SCAMP4: variants seen among roughly 807,000 people sequenced by gnomAD.
SCAMP4 encodes secretory carrier membrane protein 4.
In SCAMP4, 19 loss-of-function variants were observed where a neutral mutation model predicts 32.1. The ratio of observed to expected loss-of-function variants is 0.59; its 90% confidence interval spans 0.41 to 0.87. The LOEUF is 0.87. Among genes scored for constraint, SCAMP4 ranks in the 40% least tolerant of loss-of-function variants. The pLI, the probability that SCAMP4 is intolerant of heterozygous loss-of-function variation, is 0.00. For synonymous variants in SCAMP4, 152 were observed against 132.7 expected (o/e 1.15, Z -1.00); for missense variants, 302 against 309.0 (o/e 0.98, Z 0.17).
At chr19:1,911,896 G>A in intron 1 of SCAMP4, 1 of 965,942 alleles carries the variant, frequency 1.0e-6, no homozygotes, top group Non-Finnish European at 1.4e-6. Flanking sequence ...CCAGGGGTTA[G>A]CAGGACATGA....
intron 1 of SCAMP4, 129 bp from the exon 2 acceptor site, chr19:1,914,850 C>T (rs2013675924): frequency 1.4e-6 from 1 of 736,960 alleles, no homozygotes; most frequent in Non-Finnish European, 2.4e-6. Flanking sequence ...GCCTGTGGCT[C>T]CCGCTTAGCC....
chr19:1,918,357 G>T, intron 4 of SCAMP4, 74 bp downstream of exon 4: 1 of 1,400,744 alleles, frequency 7.1e-7, no homozygotes, highest in South Asian at 1.4e-5. Context: ...TCCCAGCCCA[G>T]CTGTGAGGAG....
chr19:1,913,265 T>TAA, intron 1 of SCAMP4: 1 of 1,395,712 alleles, frequency 7.2e-7, no homozygotes, highest in Non-Finnish European at 9.5e-7. Flanking sequence ...CAGGGACACA[T>TAA]ACCGCCTCCA....
intron 4 of SCAMP4, 73 bp from the exon 5 acceptor site, chr19:1,918,816 G>A (rs1259815659): frequency 1.3e-6 from 2 of 1,548,236 alleles, no homozygotes; most frequent in Admixed American, 2.0e-5. Context: ...TCTCTGACTG[G>A]CCCGTTCCTC....
At chr19:1,917,947 G>A in intron 3 of SCAMP4, 125 bp downstream of exon 3, 7 of 1,392,518 alleles carry the variant, frequency 5.0e-6, no homozygotes, top group Non-Finnish European at 6.9e-6. Flanking sequence ...TGGGCCTGGT[G>A]GTCCCTGCGG....
chr19:1,918,688 G>C, intron 4 of SCAMP4: 1 of 772,050 alleles, frequency 1.3e-6, no homozygotes, highest in Non-Finnish European at 2.0e-6. Flanking sequence ...CTTGAACCCG[G>C]GAGGCAGAGG....
chr19:1,906,692 TA>T (rs928113130), intron 1 of SCAMP4: 6 of 150,442 alleles, frequency 4.0e-5, no homozygotes, highest in Non-Finnish European at 8.9e-5. Context: ...CTACTAAAAA[TA>T]AAAAAAAGCC....
intron 1 of SCAMP4, 192 bp downstream of exon 1, chr19:1,905,631 C>T: frequency 6.2e-6 from 1 of 160,804 alleles, no homozygotes; most frequent in Non-Finnish European, 1.4e-5. Flanking sequence ...CGCGAATGCG[C>T]GTGCGCGCGC....
At chr19:1,922,180 G>T in intron 5 of SCAMP4, 1 of 985,488 alleles carries the variant, frequency 1.0e-6, no homozygotes, top group Non-Finnish European at 1.2e-6. Context: ...GCAATGCCCA[G>T]AGGCTGGTCC....
At chr19:1,912,308 C>T (rs748075181) in intron 1 of SCAMP4, 6 of 1,559,846 alleles carry the variant, frequency 3.8e-6, no homozygotes, top group African/African-American at 1.4e-5. Context: ...CGCTCCCCGC[C>T]CAGCCTCACC....
At chr19:1,921,976 A>G in intron 5 of SCAMP4, 1 of 985,448 alleles carries the variant, frequency 1.0e-6, no homozygotes, top group Non-Finnish European at 1.2e-6. Flanking sequence ...GTGTGTGCAT[A>G]AGCTCCCCGG....
intron 2 of SCAMP4, among the ~76,000 whole-genome samples, chr19:1,916,441 T>C (rs1230884632): frequency 6.6e-6 from 1 of 152,052 alleles, no homozygotes; most frequent in African/African-American, 2.4e-5. Flanking sequence ...CCAGGACTGT[T>C]AGCAGATAAA....
At chr19:1,910,266 G>A (rs779826681) in intron 1 of SCAMP4, among the ~76,000 whole-genome samples, 30 of 152,218 alleles carry the variant, frequency 2.0e-4, no homozygotes, top group Non-Finnish European at 3.5e-4. Context: ...TCACGCAGGC[G>A]TTGGCGGAAT....
rs574585945 is a variant in SCAMP4, at chr19:1,921,188, C to T, written c.396-1882C>T. 6.7e-5 allele frequency: 66 copies of T among 985,138 alleles called. No homozygotes were observed. In the East Asian group the frequency reaches 2.0e-3, roughly 31 times the overall value. The allele number at this position is 985,138 out of a possible 1,614,324, so 61.0% of individuals were successfully genotyped here. A position where few individuals can be genotyped will look rare whatever the true frequency, so the allele number is the denominator to read the frequency against. ...ACAGCCCCGCTCTCCCTGTCCTGGG[C>T]GGCTTCACCAGCGCCACCTCCCCAC... On this transcript the variant is annotated intron_variant, in intron 5 of 6. Coordinates refer to ENST00000316097, the MANE Select transcript of SCAMP4 (RefSeq NM_079834.4).
At chr19:1,913,199 G>GC in intron 1 of SCAMP4, 1 of 1,466,396 alleles carries the variant, frequency 6.8e-7, no homozygotes, top group Non-Finnish European at 9.0e-7. Context: ...GCCGTGGGGC[G>GC]CCCCTCCTGG....
intron 6 of SCAMP4, among the ~76,000 whole-genome samples, chr19:1,923,847 A>G (rs7248688): frequency 0.61 from 77,162 of 125,624 alleles, 26,173 homozygotes; most frequent in Non-Finnish European, 0.7. Flanking sequence ...GGATGGTCTC[A>G]ATCTCCTGAC....
At position 1,924,502 on chromosome 19, in the gene SCAMP4, C is replaced by T. The variant is rs749082224; in HGVS notation, c.*218C>T. 409 of 580,254 alleles carry T rather than the reference C, an allele frequency of 7.0e-4. 1 individual carries two copies. Among genetic ancestry groups the T allele is most frequent in the Middle Eastern group, 2.3e-3 (5 of 2,190 alleles). 35.9% of individuals were successfully genotyped at this position (580,254 alleles called of 1,614,324 possible). ...TCCTCACAAGCACTCCCCAGCAGCC[C>T]TTGGCCTCTGCCGTCCACAGGACGC... On this transcript the variant is annotated 3_prime_UTR_variant, in exon 7 of 7. Transcript: ENST00000316097.
intron 5 of SCAMP4, chr19:1,919,329 T>A: frequency 1.7e-6 from 2 of 1,182,234 alleles, no homozygotes; most frequent in Non-Finnish European, 2.1e-6. Context: ...TCCTGGCTGC[T>A]GATGTTTCTG....
Position 1,924,319 on chromosome 19 carries a change from C to T in SCAMP4, c.*35C>T, listed in dbSNP as rs2014031021. 3 of 1,541,442 alleles carry T rather than the reference C, an allele frequency of 1.9e-6. No individual in the cohort carries two copies. Among genetic ancestry groups the T allele is most frequent in the Non-Finnish European group, 2.6e-6 (3 of 1,142,310 alleles). On this transcript the variant is annotated 3_prime_UTR_variant, in exon 7 of 7. Coordinates refer to ENST00000316097, the MANE Select transcript of SCAMP4 (RefSeq NM_079834.4). Reference sequence around the variant, plus strand: ...GCCCTGCCCCCACCGCCCACCACCTCCTCCCCTTCATTCCTGCTGCTACCC... The same window carrying T: ...GCCCTGCCCCCACCGCCCACCACCTTCTCCCCTTCATTCCTGCTGCTACCC...
Sources: gnomAD v4.1 joint callset for allele counts (sites outside exome capture counted in the v4.1 genomes callset) on GRCh38, gnomAD v4.1.1 for gene constraint, MANE v1.5 for transcripts, NCBI Gene and HGNC (gene_info 2026-07-23, HGNC 2026-07-21) for gene names.